TRHDE: variants seen among roughly 807,000 people sequenced by gnomAD.
The protein encoded by TRHDE is thyrotropin releasing hormone degrading enzyme.
In TRHDE, 72 loss-of-function variants were observed where a neutral mutation model predicts 125.7. The ratio of observed to expected loss-of-function variants is 0.57; its 90% CI spans 0.47 to 0.70. TRHDE has a LOEUF of 0.70. Among genes scored for constraint, TRHDE ranks in the 30% least tolerant of loss-of-function variants. The probability of loss-of-function intolerance (pLI) is 0.00; values close to 1 mark genes in which losing one functional copy is unlikely to be tolerated. For synonymous variants in TRHDE, 509 were observed against 509.1 expected, an observed-to-expected ratio of 1.00 and a Z score of 0.00; for missense variants, 1,110 against 1,327.1, an observed-to-expected ratio of 0.84 and a Z score of 2.54.
chr12:72,607,706 G>A (rs945289668), intron 12 of TRHDE, among the ~76,000 whole-genome samples: 8 of 152,052 alleles, frequency 5.3e-5, no homozygotes, highest in Non-Finnish European at 8.8e-5. Context: ...TATTCTTAAT[G>A]ACACTCAAAA....
intron 2 of TRHDE, among the ~76,000 whole-genome samples, chr12:72,335,275 C>T (rs568057271): frequency 6.6e-6 from 1 of 152,248 alleles, no homozygotes; most frequent in East Asian, 1.9e-4. Context: ...TCAGGGAGTA[C>T]ACCCCATTAT....
At chr12:72,565,637 C>T (rs142219808) in intron 9 of TRHDE, among the ~76,000 whole-genome samples, 2 of 152,286 alleles carry the variant, frequency 1.3e-5, no homozygotes, top group Admixed American at 6.5e-5. Context: ...TACTTTCCTT[C>T]TCTTAATGCC....
At chr12:72,243,566 T>A (rs1011442857) in intron 2 of TRHDE, among the ~76,000 whole-genome samples, 6 of 152,196 alleles carry the variant, frequency 3.9e-5, no homozygotes, top group Admixed American at 6.5e-5. Context: ...GGTTTAGTAA[T>A]TATGCCATTA....
intron 2 of TRHDE, among the ~76,000 whole-genome samples, chr12:72,127,236 G>A (rs1014722249): frequency 6.6e-6 from 1 of 152,206 alleles, no homozygotes; most frequent in Non-Finnish European, 1.5e-5. Flanking sequence ...CTTATACACT[G>A]TTGGTGGGAA....
chr12:72,323,770 G>T (rs533248936), intron 2 of TRHDE, among the ~76,000 whole-genome samples: 6 of 152,174 alleles, frequency 3.9e-5, no homozygotes, highest in South Asian at 2.1e-4. Context: ...CAGTTGTGAT[G>T]TATAGAGAGA....
intron 6 of TRHDE, among the ~76,000 whole-genome samples, chr12:72,522,689 T>C (rs917381179): frequency 6.6e-6 from 1 of 152,206 alleles, no homozygotes; most frequent in African/African-American, 2.4e-5. Flanking sequence ...TTCTGAAAAA[T>C]ACTGGAGAAT....
At chr12:72,520,072 C>T (rs573719303) in intron 6 of TRHDE, among the ~76,000 whole-genome samples, 17 of 152,224 alleles carry the variant, frequency 1.1e-4, no homozygotes, top group African/African-American at 4.1e-4. Flanking sequence ...CTTAAGTCTG[C>T]AGAGGTTACT....
chr12:72,176,048 C>A (rs150299270), intron 2 of TRHDE, among the ~76,000 whole-genome samples: 13 of 152,266 alleles, frequency 8.5e-5, no homozygotes, highest in African/African-American at 2.2e-4. Flanking sequence ...GTCAGAGAAC[C>A]CTGTGTCTGG....
rs1875213733 is a variant in TRHDE, at chr12:72,670,140, A to C, written c.*6945A>C. On this transcript the variant is annotated 3_prime_UTR_variant, in exon 19 of 19. Coordinates refer to ENST00000261180, the MANE Select transcript of TRHDE (RefSeq NM_013381.3). The stretch of plus-strand genomic sequence containing the variant: ...TTCCCCAAGTGAACAGGCTTATTTA[A>C]AATATGTCATATAAAAGCACTTTTC... 1 of 151,812 alleles carries C rather than the reference A, an allele frequency of 6.6e-6. No homozygotes were observed. The highest frequency in any genetic ancestry group is 2.4e-5 in the African/African-American group (1 of 41,414). The allele number at this position is 151,812 out of a possible 1,614,324, so 9.4% of individuals were successfully genotyped here. A position where few individuals can be genotyped will look rare whatever the true frequency, so the allele number is the denominator to read the frequency against.
At chr12:72,496,765 A>G (rs1191135019) in intron 5 of TRHDE, among the ~76,000 whole-genome samples, 1 of 152,136 alleles carries the variant, frequency 6.6e-6, no homozygotes, top group Non-Finnish European at 1.5e-5. Context: ...AAACTTTCAT[A>G]GTTTCAGGTA....
intron 15 of TRHDE, among the ~76,000 whole-genome samples, chr12:72,638,157 C>G (rs1367848059): frequency 1.4e-5 from 2 of 147,086 alleles, no homozygotes; most frequent in African/African-American, 5.1e-5. Flanking sequence ...TTGTAGGTCA[C>G]TCAGGACTTG....
At chr12:72,309,830 T>C (rs897428250) in intron 2 of TRHDE, 16 of 152,272 alleles carry the variant, frequency 1.1e-4, no homozygotes, top group Non-Finnish European at 2.4e-4. Flanking sequence ...TGGTTGATAC[T>C]ATGCTATGCA....
chr12:72,341,349 G>C (rs1320130224), intron 2 of TRHDE, among the ~76,000 whole-genome samples: 2 of 151,838 alleles, frequency 1.3e-5, no homozygotes, highest in African/African-American at 2.4e-5. Flanking sequence ...TCCCACCTAG[G>C]AGTGAGAACA....
At position 72,272,715 on chromosome 12, in the gene TRHDE, G is replaced by C; in HGVS notation, c.72G>C (p.Lys24Asn). The change falls in exon 1 of 19, where the codon AAG becomes AAC. Residue 24 changes from lysine (K) to asparagine (N), a missense_variant. Physicochemically the swap from Lys to Asn is moderately conservative, Grantham distance 94. Around this residue, in one of 5 missense-constraint regions of TRHDE, gnomAD observed 248 missense variants for 240.8 expected, o/e 1.03. Coordinates refer to ENST00000261180, the MANE Select transcript of TRHDE (RefSeq NM_013381.3). This position sits in a 1 kb window ranked among gnomAD's most constrained non-coding sequence, Gnocchi z 6.7. ...AGAAGAAGAAAAAGAAGAGGAAGAA[G>C]AAGAAGGAGGAGGAGGAGGAGGAGG... is the stretch of plus-strand genomic sequence containing the variant. ...KKKKKKKKRKKKKEEEEEEEG... is the reference protein window; with the variant it reads ...KKKKKKKKRKNKKEEEEEEEG... 1 of 1,417,408 alleles carries C rather than the reference G, an allele frequency of 7.1e-7. No individual in the cohort carries two copies. Among genetic ancestry groups the C allele is most frequent in the Non-Finnish European group, 9.3e-7 (1 of 1,080,532 alleles). The allele number at this position is 1,417,408 out of a possible 1,614,324, so 87.8% of individuals were successfully genotyped here. A position where few individuals can be genotyped will look rare whatever the true frequency, so the allele number is the denominator to read the frequency against.
intron 2 of TRHDE, among the ~76,000 whole-genome samples, chr12:72,230,643 A>G (rs1284235135): frequency 2.0e-5 from 3 of 152,026 alleles, no homozygotes. Context: ...CAAATTCCAG[A>G]GCTCCCCACT....
At chr12:72,621,806 C>T (rs1873064449) in intron 15 of TRHDE, 55 bp downstream of exon 15, 1 of 1,274,472 alleles carries the variant, frequency 7.8e-7, no homozygotes, top group South Asian at 1.3e-5. Flanking sequence ...CTTTCAGAGT[C>T]TCAGTGGATG....
chr12:72,527,861 A>C (rs1322988762), intron 6 of TRHDE, among the ~76,000 whole-genome samples: 1 of 152,214 alleles, frequency 6.6e-6, no homozygotes, highest in East Asian at 1.9e-4. Flanking sequence ...CTACTTTATG[A>C]ATAACTTTCA....
intron 2 of TRHDE, among the ~76,000 whole-genome samples, chr12:72,250,179 G>T (rs1399419978): frequency 6.6e-6 from 1 of 152,210 alleles, no homozygotes; most frequent in Non-Finnish European, 1.5e-5. Flanking sequence ...TTTTTAGGGT[G>T]ATGGAAATGT....
chr12:72,181,123 A>G (rs867831576), intron 2 of TRHDE, among the ~76,000 whole-genome samples: 8 of 152,306 alleles, frequency 5.3e-5, no homozygotes, highest in Middle Eastern at 6.8e-3. Context: ...GTTTTGTTAT[A>G]TAGAGCTACA....
Sources: gnomAD v4.1 joint callset for allele counts (sites outside exome capture counted in the v4.1 genomes callset) on GRCh38, gnomAD v4.1.1 for gene constraint, gnomAD v4.1.1 regional missense constraint, Gnocchi (gnomAD v3.1) non-coding constraint, MANE v1.5 for transcripts, NCBI Gene and HGNC (gene_info 2026-07-23, HGNC 2026-07-21) for gene names.